The following RBPMS variants were observed in gnomAD, a reference collection of about 807,000 sequenced individuals.
RBPMS encodes the protein RNA binding protein, mRNA processing factor, also known as RNA-binding protein with multiple splicing.
A neutral mutation model predicts 26.8 loss-of-function variants in RBPMS; 7 were observed. The observed-to-expected ratio is 0.26, with a 90% CI of 0.15 to 0.49. The LOEUF (loss-of-function observed/expected upper bound fraction) is 0.49, where lower values mean the gene tolerates loss of function less well. RBPMS is among the 20% of genes least tolerant of loss of function. The pLI is 0.98. For missense variants in RBPMS, 186 were observed against 250.0 expected, an observed-to-expected ratio of 0.74 and a Z score of 1.73; for synonymous variants, 96 against 93.3, an observed-to-expected ratio of 1.03 and a Z score of -0.17.
chr8:30,481,278 CTTGT>C (rs552462323), intron 4 of RBPMS, among the ~76,000 whole-genome samples: 64 of 152,188 alleles, frequency 4.2e-4, no homozygotes, highest in African/African-American at 1.3e-3. Context: ...AAGTTTTTTG[CTTGT>C]TTGTTTTTGT....
intron 5 of RBPMS, among the ~76,000 whole-genome samples, chr8:30,530,926 A>G (rs1824153564): frequency 6.6e-6 from 1 of 152,110 alleles, no homozygotes; most frequent in African/African-American, 2.4e-5. Context: ...AGATCTACCT[A>G]CCAAAACATT....
chr8:30,566,226 A>G, intron 7 of RBPMS, 31 bp from the exon 8 acceptor site: 1 of 984,080 alleles, frequency 1.0e-6, no homozygotes. Context: ...GTTACTGTGC[A>G]CCGTTAACGG....
chr8:30,419,450 A>ATGTGTGTG (rs71278690), intron 1 of RBPMS, among the ~76,000 whole-genome samples: 46,626 of 142,926 alleles, frequency 0.33, 8,753 homozygotes, highest in East Asian at 0.55. Flanking sequence ...CATCTCAAAA[A>ATGTGTGTG]TGTGTGTGTG....
In RBPMS at chr8:30,545,431, G is replaced by A. The variant is rs910038160; in HGVS notation, c.528+807G>A. On this transcript the variant is annotated intron_variant, in intron 6 of 8. Transcript: ENST00000397323. ...TCTGGAGATCACCACTCATTCTTTG[G>A]CCTGCAAAGATTGATGACCAGTAAC... 5.9e-5 allele frequency: 60 copies of A among 1,017,730 alleles called. No individual in the cohort carries two copies. In the African/African-American group the frequency reaches 1.0e-3, roughly 18 times the overall value. The allele number at this position is 1,017,730 out of a possible 1,614,324, so 63.0% of individuals were successfully genotyped here.
chr8:30,492,159 TGAC>T (rs1444558204), intron 4 of RBPMS, among the ~76,000 whole-genome samples: 3 of 152,240 alleles, frequency 2.0e-5, no homozygotes, highest in Non-Finnish European at 4.4e-5. Context: ...CCCAAAGTGC[TGAC>T]ATTACAGGTG....
intron 1 of RBPMS, among the ~76,000 whole-genome samples, chr8:30,467,886 T>C (rs1816678707): frequency 6.6e-6 from 1 of 152,216 alleles, no homozygotes; most frequent in African/African-American, 2.4e-5. Context: ...GTAATTTAAA[T>C]GCCAAAATGT....
intron 1 of RBPMS, among the ~76,000 whole-genome samples, chr8:30,389,004 G>T (rs930340227): frequency 1.8e-4 from 27 of 152,100 alleles, no homozygotes; most frequent in Non-Finnish European, 1.0e-4. Context: ...AAATATTGGG[G>T]TTGTAAAGAA....
intron 1 of RBPMS, among the ~76,000 whole-genome samples, chr8:30,441,007 A>T (rs1232142606): frequency 7.1e-6 from 1 of 141,632 alleles, no homozygotes; most frequent in African/African-American, 3.1e-5. Context: ...TTGGCTTTTA[A>T]TTTTTTTGTA....
intron 4 of RBPMS, among the ~76,000 whole-genome samples, chr8:30,485,897 T>C (rs1818717931): frequency 6.6e-6 from 1 of 152,230 alleles, no homozygotes; most frequent in Non-Finnish European, 1.5e-5. Flanking sequence ...TTATAAAACC[T>C]CCCTACGATT....
At chr8:30,467,242 A>G (rs576340589) in intron 1 of RBPMS, among the ~76,000 whole-genome samples, 2 of 152,368 alleles carry the variant, frequency 1.3e-5, no homozygotes, top group South Asian at 4.1e-4. Context: ...TGAGATGACC[A>G]GCAGTCCTCA....
intron 1 of RBPMS, among the ~76,000 whole-genome samples, chr8:30,395,461 C>CAAAAAAAAAAAAAAAAAAAAAAAAAA (rs55914538): frequency 2.3e-5 from 1 of 43,798 alleles, no homozygotes; most frequent in Admixed American, 3.4e-4. Context: ...GACTCTGTCT[C>CAAAAAAAAAAAAAAAAAAAAAAAAAA]AAAAAAAAAA....
chr8:30,446,857 G>GCGCGCGCGCACGTGCT (rs71206255), intron 1 of RBPMS: 1 of 146,114 alleles, frequency 6.8e-6, no homozygotes, highest in African/African-American at 2.6e-5. Context: ...GCGCGCGCGC[G>GCGCGCGCGCACGTGCT]CGGTGGAGGG....
At position 30,384,919 on chromosome 8, in the gene RBPMS, C is replaced by T. The variant is rs1806825784; in HGVS notation, c.-174C>T. ...CGCCGTCGCAGACTCGCCGCGGGAGCCCCAGCCCAACCCGAGCCCGACAGC... is the reference window on the plus strand; with the variant it reads ...CGCCGTCGCAGACTCGCCGCGGGAGTCCCAGCCCAACCCGAGCCCGACAGC... On this transcript the variant is annotated 5_prime_UTR_variant, in exon 1 of 9. Transcript: ENST00000397323. This position sits in a 1 kb window ranked among gnomAD's most constrained non-coding sequence, Gnocchi z 5.6. The T allele has an allele frequency of 2.5e-6, 1 of 394,486 alleles. No individual in the cohort carries two copies. Among genetic ancestry groups the T allele is most frequent in the East Asian group, 4.3e-5 (1 of 23,470 alleles). 24.4% of individuals were successfully genotyped at this position (394,486 alleles called of 1,614,324 possible). A position where few individuals can be genotyped will look rare whatever the true frequency, so the allele number is the denominator to read the frequency against.
At chr8:30,498,242 T>C (rs999633325) in intron 4 of RBPMS, among the ~76,000 whole-genome samples, 1 of 151,748 alleles carries the variant, frequency 6.6e-6, no homozygotes, top group African/African-American at 2.4e-5. Flanking sequence ...CCAGAGGAGG[T>C]AGAGCCTTTG....
chr8:30,529,225 A>C (rs1478623690), intron 5 of RBPMS, among the ~76,000 whole-genome samples: 2 of 152,270 alleles, frequency 1.3e-5, no homozygotes, highest in African/African-American at 4.8e-5. Flanking sequence ...CAAGGAAAAA[A>C]AAAAAATTGT....
intron 1 of RBPMS, among the ~76,000 whole-genome samples, chr8:30,437,163 C>T (rs180680102): frequency 2.6e-5 from 4 of 151,544 alleles, no homozygotes; most frequent in Admixed American, 6.6e-5. Flanking sequence ...CCTCATGATC[C>T]GCCTGCCTCG....
chr8:30,549,813 T>TCCCCC (rs1455016832), intron 6 of RBPMS, among the ~76,000 whole-genome samples: 23 of 130,700 alleles, frequency 1.8e-4, no homozygotes, highest in Non-Finnish European at 3.4e-4. Flanking sequence ...CTCCTCTCTC[T>TCCCCC]CTCTCTCTCT....
At chr8:30,472,973 A>T (rs955238910) in intron 1 of RBPMS, among the ~76,000 whole-genome samples, 1 of 152,168 alleles carries the variant, frequency 6.6e-6, no homozygotes, top group South Asian at 2.1e-4. Flanking sequence ...CCCATCTTTC[A>T]CTGAGGAAAA....
At chr8:30,538,713 C>A (rs1379498255) in intron 5 of RBPMS, among the ~76,000 whole-genome samples, 1 of 152,172 alleles carries the variant, frequency 6.6e-6, no homozygotes, top group East Asian at 1.9e-4. Flanking sequence ...GGACAGAAAT[C>A]TGAAATCACG....
Sources: gnomAD v4.1 joint callset for allele counts (sites outside exome capture counted in the v4.1 genomes callset) on GRCh38, gnomAD v4.1.1 for gene constraint, Gnocchi (gnomAD v3.1) non-coding constraint, MANE v1.5 for transcripts, NCBI Gene and HGNC (gene_info 2026-07-23, HGNC 2026-07-21) for gene names.